The following CCDC62 variants were observed in gnomAD, a reference collection of about 807,000 sequenced individuals.
CCDC62 encodes coiled-coil domain-containing protein 62.
In CCDC62, 72 loss-of-function variants were observed where a neutral mutation model predicts 80.8. The observed-to-expected ratio is 0.89, with a 90% CI of 0.74 to 1.08. The LOEUF is 1.08. Ranked by LOEUF, CCDC62 falls within the 50% of genes least tolerant of loss-of-function variation. CCDC62 has a pLI of 0.00. For missense variants in CCDC62, 704 were observed against 809.4 expected, an observed-to-expected ratio of 0.87 and a Z score of 1.58; for synonymous variants, 286 against 296.5, an observed-to-expected ratio of 0.96 and a Z score of 0.36.
At chr12:122,782,938 C>A (rs1233315516) in intron 3 of CCDC62, among the ~76,000 whole-genome samples, 6 of 151,352 alleles carry the variant, frequency 4.0e-5, no homozygotes, top group African/African-American at 1.5e-4. Context: ...GAAACCCCGT[C>A]TCTACTAAAA....
intron 3 of CCDC62, among the ~76,000 whole-genome samples, 171 bp downstream of exon 3, chr12:122,781,501 C>T (rs1014725628): frequency 2.6e-5 from 4 of 151,990 alleles, no homozygotes; most frequent in Non-Finnish European, 5.9e-5. Flanking sequence ...GCCTGGCCAG[C>T]GTGGAGAAAC....
chr12:122,778,052 TA>T (rs959809082), intron 2 of CCDC62, among the ~76,000 whole-genome samples: 2 of 152,140 alleles, frequency 1.3e-5, no homozygotes, highest in African/African-American at 4.8e-5. Context: ...CTTAAGTTCC[TA>T]AAATGGTCAT....
chr12:122,812,185 G>A (rs2031920663), intron 10 of CCDC62, among the ~76,000 whole-genome samples: 1 of 152,148 alleles, frequency 6.6e-6, no homozygotes, highest in Non-Finnish European at 1.5e-5. Flanking sequence ...GCTCACGCCT[G>A]TAATCCTAGC....
intron 6 of CCDC62, among the ~76,000 whole-genome samples, chr12:122,792,623 G>A (rs839362): frequency 0.93 from 141,851 of 151,994 alleles, 66,352 homozygotes; most frequent in East Asian, 0.99. Context: ...GGTTCAAGCA[G>A]TTCTCCTGCC....
At chr12:122,817,265 C>T (rs1432535252) in intron 11 of CCDC62, among the ~76,000 whole-genome samples, 37 of 148,396 alleles carry the variant, frequency 2.5e-4, no homozygotes, top group African/African-American at 8.4e-4. Flanking sequence ...TTTCACCATG[C>T]TAGCCAGGAT....
chr12:122,817,159 C>T (rs1227400550), intron 11 of CCDC62, among the ~76,000 whole-genome samples: 3 of 151,702 alleles, frequency 2.0e-5, no homozygotes, highest in Non-Finnish European at 4.4e-5. Context: ...TCACACTATT[C>T]TCCTGCCCCA....
At chr12:122,794,516 C>A (rs1296093176) in intron 6 of CCDC62, among the ~76,000 whole-genome samples, 5 of 152,172 alleles carry the variant, frequency 3.3e-5, no homozygotes, top group Admixed American at 6.5e-5. Context: ...TAAATTGATT[C>A]CTTAAACATC....
intron 11 of CCDC62, among the ~76,000 whole-genome samples, chr12:122,818,431 T>C (rs1619142): frequency 0.11 from 15,628 of 136,098 alleles, 1,996 homozygotes; most frequent in African/African-American, 0.33. Context: ...CCAGCCTGGG[T>C]GACATAGCGA....
chr12:122,813,150 C>T, intron 10 of CCDC62, 120 bp from the exon 11 acceptor site: 4 of 1,006,456 alleles, frequency 4.0e-6, no homozygotes, highest in Non-Finnish European at 5.7e-6. Flanking sequence ...GTGATTGTGC[C>T]ACTGCACTTC....
intron 1 of CCDC62, among the ~76,000 whole-genome samples, chr12:122,775,116 A>AG (rs1555253325): frequency 1.3e-5 from 2 of 150,150 alleles, no homozygotes; most frequent in South Asian, 2.1e-4. Context: ...AAAAAAAAAA[A>AG]GTGAAACAAT....
intron 2 of CCDC62, among the ~76,000 whole-genome samples, chr12:122,780,539 A>G (rs1879785528): frequency 1.3e-5 from 2 of 151,678 alleles, no homozygotes; most frequent in Non-Finnish European, 1.5e-5. Flanking sequence ...GCGTGAACCC[A>G]GGAGGCAGAG....
intron 10 of CCDC62, among the ~76,000 whole-genome samples, chr12:122,809,289 A>G (rs1051745621): frequency 6.6e-6 from 1 of 151,980 alleles, no homozygotes; most frequent in African/African-American, 2.4e-5. Flanking sequence ...CAGGAGTTGA[A>G]GACCAGCCTG....
rs756298234 is a variant in CCDC62, at chr12:122,801,839, G to C, written c.1693G>C (p.Asp565His). The change falls in exon 9 of 13, where the codon GAC (aspartate) becomes CAC (histidine). Residue 565 changes from aspartate to histidine, a missense_variant. Physicochemically the swap from Asp to His is moderately conservative, Grantham distance 81 (BLOSUM62 -1). Coordinates refer to ENST00000253079, the MANE Select transcript of CCDC62 (RefSeq NM_201435.5). Reference sequence around the variant, plus strand: ...AGAAAGCATCTGTGGCACACAACATGACTCCCCGGCAAGGTGAGTAACGTT... The same window carrying C: ...AGAAAGCATCTGTGGCACACAACATCACTCCCCGGCAAGGTGAGTAACGTT... Reference protein sequence around the residue: ...CSESICGTQHDSPASELIAIQ... With the variant: ...CSESICGTQHHSPASELIAIQ... 1 of 1,613,654 alleles carries C rather than the reference G, an allele frequency of 6.2e-7. No homozygotes were observed. The highest frequency in any genetic ancestry group is 8.5e-7 in the Non-Finnish European group (1 of 1,179,908).
chr12:122,820,936 C>T (rs2032381438), intron 11 of CCDC62, among the ~76,000 whole-genome samples: 1 of 152,032 alleles, frequency 6.6e-6, no homozygotes, highest in Admixed American at 6.6e-5. Context: ...TGGAAGCACC[C>T]TTGGGTGCCC....
intron 11 of CCDC62, among the ~76,000 whole-genome samples, chr12:122,818,437 A>G (rs1184869953): frequency 1.4e-5 from 2 of 146,602 alleles, no homozygotes; most frequent in Non-Finnish European, 3.0e-5. Context: ...TGGGTGACAT[A>G]GCGAGACTCT....
chr12:122,822,090 C>CACACACACA (rs58333409), intron 11 of CCDC62, among the ~76,000 whole-genome samples: 15 of 119,318 alleles, frequency 1.3e-4, no homozygotes, highest in South Asian at 5.7e-4. Flanking sequence ...CACACACACA[C>CACACACACA]GACATTATTT....
intron 1 of CCDC62, chr12:122,776,710 A>G (rs1412130580): frequency 2.0e-5 from 3 of 152,234 alleles, no homozygotes. Context: ...CATATTGAAC[A>G]CTGGAAGACT....
chr12:122,823,310 C>A, intron 11 of CCDC62, 56 bp from the exon 12 acceptor site: 1 of 1,323,370 alleles, frequency 7.6e-7, no homozygotes, highest in South Asian at 1.2e-5. Context: ...GTTTAGTCTT[C>A]TTAAGAATTT....
At chr12:122,792,612 A>G (rs1013735644) in intron 6 of CCDC62, among the ~76,000 whole-genome samples, 5 of 149,136 alleles carry the variant, frequency 3.4e-5, no homozygotes, top group Non-Finnish European at 7.4e-5. Flanking sequence ...TCTGCCTCCC[A>G]GGTTCAAGCA....
Sources: allele counts gnomAD v4.1 joint callset (sites outside exome capture counted in the v4.1 genomes callset), GRCh38; gene constraint gnomAD v4.1.1; transcripts MANE v1.5; gene names NCBI Gene and HGNC (gene_info 2026-07-23, HGNC 2026-07-21).